The following PCDH9 variants were observed in gnomAD, a reference collection of about 807,000 sequenced individuals.
PCDH9 encodes protocadherin 9.
In PCDH9, 24 loss-of-function variants were observed where a neutral mutation model predicts 70.6. The observed-to-expected ratio is 0.34, with a 90% CI of 0.25 to 0.48. PCDH9 has a LOEUF of 0.48. Among genes scored for constraint, PCDH9 ranks in the 20% least tolerant of loss-of-function variants. The pLI is 0.99. For missense variants in PCDH9, 1,281 were observed against 1,503.6 expected (o/e 0.85, Z 2.45); for synonymous variants, 562 against 558.5 (o/e 1.01, Z -0.09).
rs372188195 is a variant in PCDH9 at position 66,471,314 on chromosome 13, C to G, written c.3340+159896G>C. ...GAAATAAGCAAAAAGACATTCTTAG[C>G]AGTAACTCAGCTTCTGTAAGTTTTG... On this transcript the variant is annotated intron_variant, in intron 4 of 4. Transcript: ENST00000377865. Among the ~76,000 whole-genome samples the G allele has an allele frequency of 2.4e-4, 36 of 152,220 alleles. 1 individual carries two copies. The South Asian group carries it at 7.2e-3, about 31-fold the overall frequency.
chr13:66,818,071 C>T (rs114052100), intron 3 of PCDH9, among the ~76,000 whole-genome samples: 2,929 of 152,224 alleles, frequency 0.019, 85 homozygotes, highest in African/African-American at 0.067. Flanking sequence ...TTCCCCTCAA[C>T]GGACAGTTTT....
intron 2 of PCDH9, among the ~76,000 whole-genome samples, chr13:67,091,846 C>T (rs1434583324): frequency 6.6e-6 from 1 of 152,092 alleles, no homozygotes; most frequent in Admixed American, 6.6e-5. Context: ...CCACAAGTGA[C>T]TCCTAAGAAA....
intron 4 of PCDH9, among the ~76,000 whole-genome samples, chr13:66,451,520 A>G (rs1268033560): frequency 6.6e-6 from 1 of 152,212 alleles, no homozygotes; most frequent in Non-Finnish European, 1.5e-5. Flanking sequence ...CAAAGCTACT[A>G]TGAATTAGTT....
chr13:66,691,693 G>T (rs1312276950), intron 3 of PCDH9, among the ~76,000 whole-genome samples: 1 of 151,918 alleles, frequency 6.6e-6, no homozygotes, highest in South Asian at 2.1e-4. Flanking sequence ...ATGAACCCAC[G>T]TATTTTTTAC....
At chr13:66,828,277 G>A (rs945978774) in intron 3 of PCDH9, among the ~76,000 whole-genome samples, 2 of 152,126 alleles carry the variant, frequency 1.3e-5, no homozygotes, top group African/African-American at 2.4e-5. Flanking sequence ...TATGTGATAG[G>A]TAATTTTAAT....
At chr13:66,347,611 G>C (rs1956232064) in intron 4 of PCDH9, among the ~76,000 whole-genome samples, 1 of 152,104 alleles carries the variant, frequency 6.6e-6, no homozygotes, top group Non-Finnish European at 1.5e-5. Context: ...ATTGAGATCT[G>C]TAGTACCTTA....
chr13:66,774,763 AG>A (rs745617532), intron 3 of PCDH9, among the ~76,000 whole-genome samples: 3 of 152,180 alleles, frequency 2.0e-5, no homozygotes, highest in Admixed American at 6.5e-5. Flanking sequence ...CTCAGTGAGC[AG>A]TAATTCTATT....
At chr13:66,908,156 G>A (rs1227124543) in intron 2 of PCDH9, among the ~76,000 whole-genome samples, 2 of 152,026 alleles carry the variant, frequency 1.3e-5, no homozygotes, top group African/African-American at 4.8e-5. Flanking sequence ...TTTCAAGCAC[G>A]CCCATTCCAC....
At chr13:66,881,303 A>T (rs1045243883) in intron 3 of PCDH9, among the ~76,000 whole-genome samples, 4 of 152,212 alleles carry the variant, frequency 2.6e-5, no homozygotes, top group Non-Finnish European at 4.4e-5. Context: ...TCACAGTTTC[A>T]TGTGGCTGGG....
intron 4 of PCDH9, among the ~76,000 whole-genome samples, chr13:66,452,209 G>C (rs1355649774): frequency 6.6e-6 from 1 of 152,132 alleles, no homozygotes; most frequent in Non-Finnish European, 1.5e-5. Context: ...TTGAGGAGAG[G>C]ATGGGACATT....
intron 3 of PCDH9, among the ~76,000 whole-genome samples, chr13:66,885,551 G>T (rs1361055970): frequency 6.6e-6 from 1 of 152,052 alleles, no homozygotes; most frequent in African/African-American, 2.4e-5. Context: ...TTAAGATTTT[G>T]AATTCTTTAT....
intron 4 of PCDH9, among the ~76,000 whole-genome samples, chr13:66,445,890 C>T (rs1202359987): frequency 6.0e-5 from 9 of 150,620 alleles, no homozygotes; most frequent in Non-Finnish European, 1.3e-4. Context: ...TTTCCTTTCT[C>T]TTCCATGTTT....
At chr13:66,954,500 G>C (rs2083236378) in intron 2 of PCDH9, among the ~76,000 whole-genome samples, 1 of 152,176 alleles carries the variant, frequency 6.6e-6, no homozygotes, top group South Asian at 2.1e-4. Flanking sequence ...AGAGAGAGCT[G>C]TTTCTGGGTT....
intron 2 of PCDH9, among the ~76,000 whole-genome samples, chr13:67,041,248 T>C (rs942936289): frequency 7.9e-5 from 12 of 152,142 alleles, no homozygotes; most frequent in African/African-American, 2.4e-4. Context: ...GCTATTTAAA[T>C]GGTGCACAAT....
chr13:66,946,124 T>C (rs1338994113), intron 2 of PCDH9, among the ~76,000 whole-genome samples: 1 of 152,156 alleles, frequency 6.6e-6, no homozygotes, highest in African/African-American at 2.4e-5. Flanking sequence ...TATATATTTC[T>C]TTCTTTTGTG....
At chr13:66,904,283 C>T (rs1215985226) in intron 2 of PCDH9, among the ~76,000 whole-genome samples, 1 of 151,956 alleles carries the variant, frequency 6.6e-6, no homozygotes, top group Admixed American at 6.6e-5. Flanking sequence ...TACATTATGG[C>T]TTGGCCTTTC....
chr13:66,978,987 A>G (rs10871010), intron 2 of PCDH9, among the ~76,000 whole-genome samples: 89,167 of 151,558 alleles, frequency 0.59, 27,662 homozygotes, highest in Middle Eastern at 0.74. Context: ...GTATTTATAA[A>G]GAACATACAT....
At chr13:66,540,282 C>T (rs934614113) in intron 4 of PCDH9, among the ~76,000 whole-genome samples, 1 of 152,012 alleles carries the variant, frequency 6.6e-6, no homozygotes, top group Non-Finnish European at 1.5e-5. Flanking sequence ...TTTACATATT[C>T]ATGAAGGAAC....
chr13:66,664,608 C>A (rs1041849824), intron 3 of PCDH9, among the ~76,000 whole-genome samples: 1 of 152,098 alleles, frequency 6.6e-6, no homozygotes, highest in East Asian at 1.9e-4. Flanking sequence ...GGAGAGAATT[C>A]ATGTTTAAAG....
Sources: allele counts gnomAD v4.1 joint callset (sites outside exome capture counted in the v4.1 genomes callset), GRCh38; gene constraint gnomAD v4.1.1; transcripts MANE v1.5; gene names NCBI Gene and HGNC (gene_info 2026-07-23, HGNC 2026-07-21).